Variants in LYPD6 observed in about 807,000 individuals in gnomAD.
LYPD6 encodes the protein LY6/PLAUR domain containing 6, also known as ly6/PLAUR domain-containing protein 6.
LYPD6 carries 15 observed loss-of-function variants against 22.7 expected under a neutral mutation model. That is an observed-to-expected ratio of 0.66 (90% CI 0.44 to 1.02). LYPD6 has a LOEUF of 1.02. LYPD6 is among the 50% of genes least tolerant of loss of function. The pLI, the probability that LYPD6 is intolerant of heterozygous loss-of-function variation, is 0.00. For synonymous variants in LYPD6, 72 were observed against 77.5 expected, an observed-to-expected ratio of 0.93 and a Z score of 0.37; for missense variants, 189 against 208.4, an observed-to-expected ratio of 0.91 and a Z score of 0.57.
chr2:149,450,782 C>A (rs1683788864), intron 3 of LYPD6, among the ~76,000 whole-genome samples: 1 of 152,192 alleles, frequency 6.6e-6, no homozygotes, highest in South Asian at 2.1e-4. Context: ...AACACTAACA[C>A]CTAGATTTGT....
chr2:149,407,189 G>C (rs1394919326), intron 1 of LYPD6, among the ~76,000 whole-genome samples: 17 of 152,256 alleles, frequency 1.1e-4, no homozygotes, highest in South Asian at 6.2e-4. Flanking sequence ...TTCAGCTTTG[G>C]TGAATCTGAC....
intron 1 of LYPD6, among the ~76,000 whole-genome samples, chr2:149,345,472 A>AT (rs60780602): frequency 0.28 from 37,866 of 133,562 alleles, 5,506 homozygotes; most frequent in East Asian, 0.6. Context: ...ACACCTGGCT[A>AT]TTTTTTTTTT....
intron 1 of LYPD6, among the ~76,000 whole-genome samples, chr2:149,418,091 G>C (rs138069029): frequency 5.2e-4 from 79 of 152,274 alleles, no homozygotes; most frequent in African/African-American, 1.8e-3. Context: ...AGACAATTCG[G>C]ATGTTTTCTG....
intron 1 of LYPD6, among the ~76,000 whole-genome samples, chr2:149,421,473 C>T (rs1408310390): frequency 2.6e-5 from 4 of 151,288 alleles, no homozygotes; most frequent in Non-Finnish European, 4.4e-5. Flanking sequence ...ATAATAATTA[C>T]CCCTACTACA....
chr2:149,430,631 G>A (rs1159515968), intron 1 of LYPD6, among the ~76,000 whole-genome samples: 1 of 152,124 alleles, frequency 6.6e-6, no homozygotes, highest in Non-Finnish European at 1.5e-5. Context: ...TTCTGCTCTT[G>A]TATTAGGCAT....
At chr2:149,408,511 T>G (rs185996427) in intron 1 of LYPD6, among the ~76,000 whole-genome samples, 44 of 152,338 alleles carry the variant, frequency 2.9e-4, no homozygotes, top group African/African-American at 1.0e-3. Flanking sequence ...TTTTCCAAAC[T>G]TTTAGACTTC....
At chr2:149,385,304 A>G (rs1255953151) in intron 1 of LYPD6, among the ~76,000 whole-genome samples, 1 of 152,192 alleles carries the variant, frequency 6.6e-6, no homozygotes, top group Non-Finnish European at 1.5e-5. Context: ...AACATGTGGC[A>G]TTCAGAGCAG....
At chr2:149,345,329 C>T (rs760629186) in intron 1 of LYPD6, among the ~76,000 whole-genome samples, 9 of 113,460 alleles carry the variant, frequency 7.9e-5, no homozygotes, top group African/African-American at 1.1e-4. Context: ...TTTTTTGAGA[C>T]GGAGCCTCGC....
At chr2:149,361,553 T>C (rs1681571646) in intron 1 of LYPD6, among the ~76,000 whole-genome samples, 1 of 152,202 alleles carries the variant, frequency 6.6e-6, no homozygotes, top group Non-Finnish European at 1.5e-5. Flanking sequence ...GATAAACAGA[T>C]GGATCCTCTG....
At chr2:149,362,724 G>A (rs1486175412) in intron 1 of LYPD6, among the ~76,000 whole-genome samples, 1 of 151,636 alleles carries the variant, frequency 6.6e-6, no homozygotes, top group Non-Finnish European at 1.5e-5. Context: ...AAGTGAAGGG[G>A]GCTAGAACTC....
the LYPD6 span, among the ~76,000 whole-genome samples, chr2:149,482,247 C>T: frequency 6.6e-6 from 1 of 152,088 alleles, no homozygotes; most frequent in Non-Finnish European, 1.5e-5. Flanking sequence ...TATAGTTTGT[C>T]TTCTGAACCG....
intron 1 of LYPD6, among the ~76,000 whole-genome samples, chr2:149,386,839 G>C (rs751141330): frequency 6.6e-6 from 1 of 152,166 alleles, no homozygotes; most frequent in Non-Finnish European, 1.5e-5. Context: ...ACTACCTCTT[G>C]AGTATAGACA....
At chr2:149,410,286 T>G (rs1682823762) in intron 1 of LYPD6, among the ~76,000 whole-genome samples, 1 of 152,256 alleles carries the variant, frequency 6.6e-6, no homozygotes, top group African/African-American at 2.4e-5. Flanking sequence ...CATTTTTAGT[T>G]GTTTTTAATC....
chr2:149,331,611 G>T (rs1427062803), intron 1 of LYPD6, among the ~76,000 whole-genome samples: 1 of 151,884 alleles, frequency 6.6e-6, no homozygotes, highest in African/African-American at 2.4e-5. Context: ...GGACTCCAAA[G>T]ACTTGTTATA....
At chr2:149,360,424 T>G (rs970568324) in intron 1 of LYPD6, among the ~76,000 whole-genome samples, 5 of 152,238 alleles carry the variant, frequency 3.3e-5, no homozygotes, top group Non-Finnish European at 7.3e-5. Context: ...TTCAAATGCC[T>G]CTGACACCTC....
chr2:149,460,216 A>G (rs1349144549), intron 3 of LYPD6, among the ~76,000 whole-genome samples: 1 of 152,234 alleles, frequency 6.6e-6, no homozygotes, highest in Non-Finnish European at 1.5e-5. Context: ...GCATAAATAT[A>G]CAAAATAAAT....
At chr2:149,360,255 T>C (rs1681546227) in intron 1 of LYPD6, among the ~76,000 whole-genome samples, 1 of 152,212 alleles carries the variant, frequency 6.6e-6, no homozygotes, top group African/African-American at 2.4e-5. Flanking sequence ...CTAGCTTCTT[T>C]ACCACAACTT....
chr2:149,356,696 G>A (rs1226157537), intron 1 of LYPD6, among the ~76,000 whole-genome samples: 1 of 152,170 alleles, frequency 6.6e-6, no homozygotes, highest in Non-Finnish European at 1.5e-5. Context: ...CTCAGGAGAA[G>A]GCAGATGGAA....
intron 1 of LYPD6, among the ~76,000 whole-genome samples, chr2:149,343,084 A>G (rs1236787590): frequency 3.3e-5 from 5 of 152,160 alleles, no homozygotes; most frequent in African/African-American, 1.2e-4. Context: ...GACAGTTTTC[A>G]GCTAGGACAT....
Sources: gnomAD v4.1 joint callset for allele counts (sites outside exome capture counted in the v4.1 genomes callset) on GRCh38, gnomAD v4.1.1 for gene constraint, MANE v1.5 for transcripts, NCBI Gene and HGNC (gene_info 2026-07-23, HGNC 2026-07-21) for gene names.